The following UPK1B variants were observed in gnomAD, a reference collection of about 807,000 sequenced individuals.
UPK1B encodes uroplakin-1b.
In UPK1B, 28 loss-of-function variants were observed where a neutral mutation model predicts 34.2. That is an observed-to-expected ratio of 0.82 (90% CI 0.61 to 1.12). UPK1B has a LOEUF of 1.12. Ranked by LOEUF, UPK1B falls within the 50% of genes most tolerant of loss-of-function variation. The probability of loss-of-function intolerance (pLI) is 0.00; values close to 1 mark genes in which losing one functional copy is unlikely to be tolerated. For missense variants in UPK1B, 325 were observed against 320.9 expected (o/e 1.01, Z -0.10); for synonymous variants, 81 against 110.4 (o/e 0.73, Z 1.67).
intron 1 of UPK1B, among the ~76,000 whole-genome samples, chr3:119,174,004 T>C (rs1340850505): frequency 2.0e-5 from 3 of 152,162 alleles, no homozygotes; most frequent in Non-Finnish European, 4.4e-5. Flanking sequence ...GTCACCTTTG[T>C]AGACCCCCAA....
chr3:119,183,271 G>T (rs73187809), intron 1 of UPK1B, among the ~76,000 whole-genome samples: 18,880 of 136,360 alleles, frequency 0.14, 1,102 homozygotes, highest in South Asian at 0.2. Flanking sequence ...CTTTTTTTTT[G>T]TTTTTTTTTT....
intron 6 of UPK1B, among the ~76,000 whole-genome samples, chr3:119,195,087 G>T (rs542848226): frequency 3.3e-5 from 5 of 152,192 alleles, no homozygotes; most frequent in African/African-American, 1.2e-4. Flanking sequence ...GAACTTAGAC[G>T]TAGAGATACT....
At chr3:119,174,869 T>C (rs1576863846) in intron 1 of UPK1B, among the ~76,000 whole-genome samples, 1 of 147,816 alleles carries the variant, frequency 6.8e-6, no homozygotes, top group Admixed American at 6.9e-5. Flanking sequence ...TGCTATAAAA[T>C]AGTCTTTAAA....
intron 6 of UPK1B, 124 bp downstream of exon 6, chr3:119,194,522 T>G: frequency 1.1e-6 from 1 of 935,854 alleles, no homozygotes; most frequent in Non-Finnish European, 1.5e-6. Flanking sequence ...CTAAACCTCA[T>G]GTTAACTATT....
At chr3:119,182,378 A>C (rs2077993538) in intron 1 of UPK1B, among the ~76,000 whole-genome samples, 1 of 152,132 alleles carries the variant, frequency 6.6e-6, no homozygotes, top group Non-Finnish European at 1.5e-5. Flanking sequence ...ATAAAACAAA[A>C]TCATAACCCA....
intron 1 of UPK1B, among the ~76,000 whole-genome samples, chr3:119,183,271 GT>G (rs60512299): frequency 0.19 from 25,272 of 136,446 alleles, 2,329 homozygotes; most frequent in African/African-American, 0.32. Context: ...CTTTTTTTTT[GT>G]TTTTTTTTTT....
In UPK1B at chr3:119,201,413, C is replaced by T. The variant is rs571543276; in HGVS notation, c.732+2273C>T. ...GCAGAAGGCGAAGTAGGAGCAAAGG[C>T]ATGTCTTACATGACGGCAGGCAACA... On this transcript the variant is annotated intron_variant, in intron 7 of 7. Transcript: ENST00000264234. Among the ~76,000 whole-genome samples, 7 of 152,310 alleles carry T rather than the reference C, an allele frequency of 4.6e-5. No homozygotes were observed. The South Asian group carries it at 1.2e-3, about 27-fold the overall frequency.
Position 119,199,097 on chromosome 3 carries a change from C to T in UPK1B, c.689C>T (p.Ala230Val). ...ELISGPMNRH[A>V]WGVAWFGFAI... The stretch of plus-strand genomic sequence containing the variant: ...ATCTCTGGTCCAATGAACCGACACG[C>T]CTGGGGGGTTGCCTGGTTTGGATTT... The change falls in exon 7 of 8, where the codon GCC becomes GTC. Residue 230 changes from alanine to valine, a missense_variant. Coordinates refer to ENST00000264234, the MANE Select transcript of UPK1B (RefSeq NM_006952.4). The T allele has an allele frequency of 6.2e-7, 1 of 1,614,172 alleles. No homozygotes were observed. The highest frequency in any genetic ancestry group is 8.5e-7 in the Non-Finnish European group (1 of 1,180,014).
intron 1 of UPK1B, among the ~76,000 whole-genome samples, chr3:119,178,261 G>A (rs1559899751): frequency 6.6e-6 from 1 of 152,208 alleles, no homozygotes; most frequent in South Asian, 2.1e-4. Context: ...CTATAGACTG[G>A]TCTTTCAGAA....
chr3:119,175,188 C>T (rs902866512), intron 1 of UPK1B, among the ~76,000 whole-genome samples: 1 of 151,434 alleles, frequency 6.6e-6, no homozygotes, highest in Non-Finnish European at 1.5e-5. Flanking sequence ...CCACCACGCC[C>T]GGCCAATTTT....
In UPK1B at chr3:119,179,399, T is replaced by TATATATATATATATATATA. The variant is rs1559900078; in HGVS notation, c.-29+5762_-29+5763insTATATATATATATATATAA. Among the ~76,000 whole-genome samples, 3 of 54,304 alleles carry TATATATATATATATATATA rather than the reference T, an allele frequency of 5.5e-5. 1 individual carries two copies. Among genetic ancestry groups the TATATATATATATATATATA allele is most frequent in the African/African-American group, 1.3e-4 (2 of 15,224 alleles). The allele number at this position is 54,304 out of a possible 152,430, so 35.6% of individuals were successfully genotyped here. On this transcript the variant is annotated intron_variant, in intron 1 of 7. Transcript: ENST00000264234. ...TATATATATATATATATATATATATTAATTCTAAGGAATTAACCTATGTGA... is the reference window on the plus strand; with the variant it reads ...TATATATATATATATATATATATATTATATATATATATATATATAAATTCTAAGGAATTAACCTATGTGA...
intron 1 of UPK1B, among the ~76,000 whole-genome samples, chr3:119,184,402 T>C (rs1193472240): frequency 6.6e-6 from 1 of 152,078 alleles, no homozygotes; most frequent in East Asian, 1.9e-4. Context: ...ATTTTTCCTT[T>C]GAACCCACGC....
chr3:119,179,399 T>TATGTATATATATATATATA (rs1559900078), intron 1 of UPK1B, among the ~76,000 whole-genome samples: 4 of 54,314 alleles, frequency 7.4e-5, no homozygotes, highest in Non-Finnish European at 1.4e-4. Flanking sequence ...ATATATATAT[T>TATGTATATATATATATATA]AATTCTAAGG....
intron 1 of UPK1B, among the ~76,000 whole-genome samples, chr3:119,179,527 T>TTTTTTTTTTTTTTTTTGTGG (rs1553741698): frequency 7.6e-6 from 1 of 131,568 alleles, no homozygotes; most frequent in African/African-American, 2.8e-5. Context: ...TTTTTTTTTT[T>TTTTTTTTTTTTTTTTTGTGG]GAGACGGAGT....
At chr3:119,203,246 C>T (rs968611960) in intron 7 of UPK1B, among the ~76,000 whole-genome samples, 11 of 143,282 alleles carry the variant, frequency 7.7e-5, no homozygotes, top group Non-Finnish European at 1.6e-4. Flanking sequence ...GAGGCTGAGG[C>T]AGGAGAATGG....
intron 1 of UPK1B, among the ~76,000 whole-genome samples, chr3:119,181,365 G>A (rs2077989264): frequency 6.6e-6 from 1 of 152,086 alleles, no homozygotes; most frequent in Non-Finnish European, 1.5e-5. Context: ...CAACCACTGG[G>A]CTATTAGCTC....
intron 6 of UPK1B, among the ~76,000 whole-genome samples, chr3:119,194,968 T>C (rs896056576): frequency 2.0e-5 from 3 of 152,200 alleles, no homozygotes; most frequent in African/African-American, 4.8e-5. Context: ...AAAACTAACA[T>C]TTATTGTGTA....
rs1414283869 is a variant in UPK1B at position 119,190,980 on chromosome 3, A to G, written c.346-2A>G. 1 of 1,613,870 alleles carries G rather than the reference A, an allele frequency of 6.2e-7. No individual in the cohort carries two copies. Among genetic ancestry groups the G allele is most frequent in the Non-Finnish European group, 8.5e-7 (1 of 1,179,844 alleles). On this transcript the variant is annotated splice_acceptor_variant, in intron 4 of 7. Transcript: ENST00000264234. LOFTEE classifies it high-confidence loss of function. ...CTCTTGTGTTGCCTCTTCCTACTAT[A>G]GTTCACACCCAACCTCTTCCTGAAG...
chr3:119,187,316 A>G (rs888472457), intron 2 of UPK1B, among the ~76,000 whole-genome samples: 4 of 152,132 alleles, frequency 2.6e-5, no homozygotes, highest in Non-Finnish European at 5.9e-5. Context: ...GACTCCCCAT[A>G]TGACTCTGGC....
Sources: allele counts gnomAD v4.1 joint callset (sites outside exome capture counted in the v4.1 genomes callset), GRCh38; gene constraint gnomAD v4.1.1; transcripts MANE v1.5; gene names NCBI Gene and HGNC (gene_info 2026-07-23, HGNC 2026-07-21).